The following UPRT variants were observed in gnomAD, a reference collection of about 807,000 sequenced individuals.
UPRT encodes RP11-311P8.3.
UPRT carries 5 observed loss-of-function variants against 22.6 expected under a neutral mutation model. The observed-to-expected ratio is 0.22, with a 90% CI of 0.12 to 0.47. UPRT has a LOEUF of 0.47. Among genes scored for constraint, UPRT ranks in the 20% least tolerant of loss-of-function variants. The pLI is 0.99. For missense variants in UPRT, 181 were observed against 239.9 expected, an observed-to-expected ratio of 0.75 and a Z score of 1.62; for synonymous variants, 77 against 87.7, an observed-to-expected ratio of 0.88 and a Z score of 0.68.
intron 1 of UPRT, among the ~76,000 whole-genome samples, chrX:75,275,977 G>A (rs2147684656): frequency 8.9e-6 from 1 of 111,887 alleles, no homozygotes; most frequent in African/African-American, 3.2e-5. Flanking sequence ...CTCCTAAAAT[G>A]TTGGGATTAC....
chrX:75,176,863 A>G (rs956999704), intron 4 of UPRT, among the ~76,000 whole-genome samples: 7 of 111,181 alleles, frequency 6.3e-5, no homozygotes, highest in Non-Finnish European at 9.4e-5. Flanking sequence ...GCAGGATAGT[A>G]TTGAAATTTG....
intron 4 of UPRT, among the ~76,000 whole-genome samples, chrX:75,252,309 C>G (rs978974632): frequency 5.4e-5 from 6 of 111,221 alleles, no homozygotes; most frequent in Non-Finnish European, 1.1e-4. Flanking sequence ...TTGCAACCTA[C>G]TCATCTGACA....
upstream of UPRT, among the ~76,000 whole-genome samples, chrX:75,269,819 C>T (rs771161886): frequency 1.9e-4 from 21 of 111,578 alleles, no homozygotes; most frequent in African/African-American, 6.5e-4. Flanking sequence ...AAAACCTAGG[C>T]AATACCATTC....
intron 1 of UPRT, among the ~76,000 whole-genome samples, chrX:75,286,588 A>G (rs1173315245): frequency 1.8e-5 from 2 of 111,884 alleles, no homozygotes; most frequent in Non-Finnish European, 3.8e-5. Context: ...CGTATTTTAC[A>G]AGCCACGTTA....
chrX:75,179,107 C>G (rs900296211), intron 4 of UPRT, among the ~76,000 whole-genome samples: 7 of 112,130 alleles, frequency 6.2e-5, no homozygotes, highest in Non-Finnish European at 1.1e-4. Context: ...TTGGTGCATT[C>G]ATAAACCTTG....
chrX:75,180,693 T>G (rs921062413), intron 4 of UPRT, among the ~76,000 whole-genome samples: 4 of 31,642 alleles, frequency 1.3e-4, no homozygotes, highest in Admixed American at 5.5e-4. Context: ...TTTTTTTTTT[T>G]TGTTTTTTTT....
intron 4 of UPRT, among the ~76,000 whole-genome samples, chrX:75,195,705 G>T (rs1409460725): frequency 1.8e-5 from 2 of 111,579 alleles, no homozygotes; most frequent in East Asian, 2.8e-4. Context: ...GTCCTGGTGT[G>T]CAGTAACCCC....
intron 4 of UPRT, among the ~76,000 whole-genome samples, chrX:75,226,512 C>T (rs1480538352): frequency 8.9e-6 from 1 of 111,993 alleles, no homozygotes; most frequent in Non-Finnish European, 1.9e-5. Context: ...CCCTCAACCA[C>T]TCAGCTCCAT....
intron 4 of UPRT, among the ~76,000 whole-genome samples, chrX:75,252,225 A>G (rs766952077): frequency 1.2e-4 from 13 of 112,350 alleles, no homozygotes; most frequent in African/African-American, 3.6e-4. Flanking sequence ...ATCTAATTCA[A>G]CTAAAGAGCT....
At chrX:75,188,133 T>G (rs1184731302) in intron 4 of UPRT, among the ~76,000 whole-genome samples, 1 of 112,049 alleles carries the variant, frequency 8.9e-6, no homozygotes, top group Non-Finnish European at 1.9e-5. Context: ...TCTGCTCTGT[T>G]TTTTCCCCAT....
intron 4 of UPRT, among the ~76,000 whole-genome samples, chrX:75,264,310 G>T (rs758035072): frequency 2.4e-4 from 27 of 111,648 alleles, no homozygotes; most frequent in African/African-American, 7.8e-4. Flanking sequence ...TCTGTCTAAT[G>T]TTGACAGTGG....
At chrX:75,188,998 C>A (rs998131122) in intron 4 of UPRT, among the ~76,000 whole-genome samples, 18 of 112,185 alleles carry the variant, frequency 1.6e-4, no homozygotes, top group African/African-American at 5.5e-4. Flanking sequence ...ACGCTGGGAG[C>A]TGTAGACCTG....
intron 4 of UPRT, among the ~76,000 whole-genome samples, chrX:75,268,541 A>G (rs2147676383): frequency 8.9e-6 from 1 of 111,757 alleles, no homozygotes; most frequent in South Asian, 3.7e-4. Flanking sequence ...CCAGCAGCAC[A>G]TCAAAAAGCT....
chrX:75,303,035 T>TCA (rs1365656806), intron 6 of UPRT, among the ~76,000 whole-genome samples: 3 of 111,461 alleles, frequency 2.7e-5, no homozygotes, highest in African/African-American at 6.5e-5. Flanking sequence ...GCCACTGTGC[T>TCA]TGGCCTGTGA....
Position 75,211,771 on chromosome X carries a change from C to T in UPRT, c.-447+43892C>T, listed in dbSNP as rs139290084. Among the ~76,000 whole-genome samples the T allele has an allele frequency of 6.3e-5, 7 of 111,417 alleles. No individual in the cohort carries two copies. The East Asian group carries it at 2.0e-3, about 32-fold the overall frequency. On this transcript the variant is annotated intron_variant, in intron 4 of 13. Transcript: ENST00000652605. The stretch of plus-strand genomic sequence containing the variant: ...CCAATCCCCATCCCAGGTTTTGGCA[C>T]CAAAATGTTAGGTTTTGAAGGGAAG...
upstream of UPRT, among the ~76,000 whole-genome samples, chrX:75,271,775 C>T (rs1458682890): frequency 1.3e-4 from 15 of 111,197 alleles, no homozygotes; most frequent in Admixed American, 1.4e-3. Context: ...CCAGGATGTA[C>T]GAGGAACTCA....
At chrX:75,273,162 CTGGAGCCTACTGCAGAGTGCA>C (rs775075268), upstream of UPRT, among the ~76,000 whole-genome samples, 1 of 110,924 alleles carries the variant, frequency 9.0e-6, no homozygotes, top group Non-Finnish European at 1.9e-5. Flanking sequence ...ACAACACACA[CTGGAGCCTACTGCAGAGTGCA>C]TGGTGTGAGA....
chrX:75,304,825 CTTTA>C lies in UPRT; in HGVS notation c.*1318_*1321del, dbSNP rs1276226250. ...TAGAAGAACTTCAGTATATTTTTCCCTTTATTTTTGAATACTGTCATATAATAAA... is the reference window on the plus strand; with the variant it reads ...TAGAAGAACTTCAGTATATTTTTCCCTTTTTGAATACTGTCATATAATAAA... On this transcript the variant is annotated 3_prime_UTR_variant, in exon 7 of 7. Transcript: ENST00000373383. 2.7e-5 allele frequency among the ~76,000 whole-genome samples: 3 copies of C among 111,765 alleles called. No individual in the cohort carries two copies. The highest frequency in any genetic ancestry group is 5.6e-5 in the Non-Finnish European group (3 of 53,113).
chrX:75,234,978 A>T, intron 4 of UPRT, among the ~76,000 whole-genome samples: 1 of 112,001 alleles, frequency 8.9e-6, no homozygotes, highest in Non-Finnish European at 1.9e-5. Context: ...AAACCCTTCA[A>T]AAAATCAATG....
Sources: allele counts gnomAD v4.1 joint callset (sites outside exome capture counted in the v4.1 genomes callset), GRCh38; gene constraint gnomAD v4.1.1; transcripts MANE v1.5; gene names NCBI Gene and HGNC (gene_info 2026-07-23, HGNC 2026-07-21).